Variants in ESRP1 observed in about 807,000 individuals in gnomAD.
ESRP1 encodes RNA-binding motif protein 35A.
A neutral mutation model predicts 81.7 loss-of-function variants in ESRP1; 33 were observed. The observed-to-expected ratio is 0.40, with a 90% CI of 0.31 to 0.54. The LOEUF (loss-of-function observed/expected upper bound fraction) is 0.54. Ranked by LOEUF, ESRP1 falls within the 20% of genes least tolerant of loss-of-function variation. The pLI, the probability that ESRP1 is intolerant of heterozygous loss-of-function variation, is 0.41. For synonymous variants in ESRP1, 320 were observed against 303.3 expected (o/e 1.06, Z -0.57); for missense variants, 672 against 833.1 (o/e 0.81, Z 2.38).
At chr8:94,700,797 T>C (rs926814952) in intron 15 of ESRP1, among the ~76,000 whole-genome samples, 1 of 151,646 alleles carries the variant, frequency 6.6e-6, no homozygotes, top group Non-Finnish European at 1.5e-5. Context: ...GGTGTGGTGG[T>C]GGGCGCCTGT....
At chr8:94,697,472 C>A (rs1374200645) in intron 15 of ESRP1, among the ~76,000 whole-genome samples, 1 of 152,214 alleles carries the variant, frequency 6.6e-6, no homozygotes, top group Non-Finnish European at 1.5e-5. Context: ...TAAATGGAAT[C>A]ATACATGTGA....
chr8:94,682,268 T>TG (rs1427473524), intron 13 of ESRP1, among the ~76,000 whole-genome samples: 1 of 152,186 alleles, frequency 6.6e-6, no homozygotes, highest in Non-Finnish European at 1.5e-5. Flanking sequence ...GTTGCATAGG[T>TG]GGGAGACATG....
intron 1 of ESRP1, 190 bp from the exon 2 acceptor site, chr8:94,641,766 C>G: frequency 1.1e-6 from 1 of 898,006 alleles, no homozygotes; most frequent in Non-Finnish European, 1.5e-6. Flanking sequence ...CAGGGCTTTT[C>G]CGACCTATCG....
intron 4 of ESRP1, among the ~76,000 whole-genome samples, chr8:94,647,948 G>T (rs1042594199): frequency 2.6e-5 from 4 of 152,112 alleles, no homozygotes; most frequent in Non-Finnish European, 5.9e-5. Context: ...GCTGACACCA[G>T]CCTGGGCATT....
chr8:94,695,921 C>T (rs537855259), intron 14 of ESRP1, among the ~76,000 whole-genome samples: 6 of 152,090 alleles, frequency 3.9e-5, no homozygotes, highest in Admixed American at 2.0e-4. Flanking sequence ...AAAGTAGCCA[C>T]GCATGGTGGT....
intron 4 of ESRP1, among the ~76,000 whole-genome samples, chr8:94,661,081 C>A (rs1423057775): frequency 6.6e-6 from 1 of 152,130 alleles, no homozygotes; most frequent in African/African-American, 2.4e-5. Flanking sequence ...CTACCTCTCG[C>A]CCAGGCTGGA....
chr8:94,657,137 G>A (rs1401645189), intron 4 of ESRP1, among the ~76,000 whole-genome samples: 1 of 152,200 alleles, frequency 6.6e-6, no homozygotes, highest in Non-Finnish European at 1.5e-5. Flanking sequence ...GTTGCAGCCT[G>A]AAATGATGAG....
In ESRP1 at chr8:94,668,193, C is replaced by T; in HGVS notation, c.1176C>T (p.Asp392=). The change falls in exon 10 of 16, where the codon GAC becomes GAT. Residue 392 remains aspartate (D), a synonymous_variant. Coordinates refer to ENST00000433389, the MANE Select transcript of ESRP1 (RefSeq NM_017697.4). ...AGAATGCGTTGAGGAAGCATAAAGACTTGTTGGGTAAAAGATACATTGAAC... is the reference window on the plus strand; with the variant it reads ...AGAATGCGTTGAGGAAGCATAAAGATTTGTTGGGTAAAAGATACATTGAAC... ...YAQNALRKHK[D]LLGKRYIELF... 3 of 1,613,466 alleles carry T rather than the reference C, an allele frequency of 1.9e-6. No homozygotes were observed. Among genetic ancestry groups the T allele is most frequent in the Non-Finnish European group, 2.5e-6 (3 of 1,179,594 alleles).
At chr8:94,701,650 G>T (rs1319286015) in intron 15 of ESRP1, among the ~76,000 whole-genome samples, 2 of 146,320 alleles carry the variant, frequency 1.4e-5, no homozygotes, top group Non-Finnish European at 1.5e-5. Context: ...TCACTATGTT[G>T]CCCCAGTCTG....
At chr8:94,667,000 C>G (rs1271845557) in intron 9 of ESRP1, among the ~76,000 whole-genome samples, 1 of 151,742 alleles carries the variant, frequency 6.6e-6, no homozygotes, top group African/African-American at 2.4e-5. Context: ...GTCAAGAGTT[C>G]GAGGCCAGCC....
At chr8:94,656,509 C>T (rs1270030537) in intron 4 of ESRP1, among the ~76,000 whole-genome samples, 2 of 152,374 alleles carry the variant, frequency 1.3e-5, no homozygotes, top group South Asian at 2.1e-4. Context: ...GCGTGAGCCA[C>T]CACGCCCGGC....
At chr8:94,651,318 G>A (rs940700906) in intron 4 of ESRP1, among the ~76,000 whole-genome samples, 19 of 143,978 alleles carry the variant, frequency 1.3e-4, no homozygotes, top group African/African-American at 4.7e-4. Flanking sequence ...ATGCTATCGT[G>A]GCTCACTGTG....
At chr8:94,655,065 T>TTTTTTGTG (rs545869490) in intron 4 of ESRP1, among the ~76,000 whole-genome samples, 4 of 147,528 alleles carry the variant, frequency 2.7e-5, no homozygotes, top group Non-Finnish European at 3.0e-5. Context: ...TTTGGGTTTT[T>TTTTTTGTG]TGTGTGTGTG....
chr8:94,641,597 A>G, intron 1 of ESRP1, 147 bp downstream of exon 1: 2 of 1,167,296 alleles, frequency 1.7e-6, no homozygotes, highest in African/African-American at 1.5e-5. Flanking sequence ...GGGAAGCTAG[A>G]GTAAAACCAA....
chr8:94,641,423 G>C lies in ESRP1; in HGVS notation c.105G>C (p.Trp35Cys). 1.2e-6 allele frequency: 2 copies of C among 1,613,918 alleles called. No individual in the cohort carries two copies. The highest frequency in any genetic ancestry group is 1.7e-6 in the Non-Finnish European group (2 of 1,179,872). The change falls in exon 1 of 16, where the codon TGG becomes TGC. Residue 35 changes from tryptophan (W) to cysteine (C), a missense_variant. By Grantham distance (215) the Trp-to-Cys change is radical (BLOSUM62 -2). Coordinates refer to ENST00000433389, the MANE Select transcript of ESRP1 (RefSeq NM_017697.4). The stretch of plus-strand genomic sequence containing the variant: ...AGAAGGAGTTGATCCTGCTGTTCTG[G>C]AAAGTCGTGGATCTGGCCAACAAGA... ...SDEKELILLF[W>C]KVVDLANKKV...
Position 94,696,920 on chromosome 8 carries a change from T to C in ESRP1, c.2040T>C (p.Cys680=). 3 of 1,587,270 alleles carry C rather than the reference T, an allele frequency of 1.9e-6. No homozygotes were observed. The highest frequency in any genetic ancestry group is 2.6e-6 in the Non-Finnish European group (3 of 1,165,666). ...QARTLPKEWV[C]I ...GGACTCTACCCAAAGAATGGGTTTG[T>C]ATTTAAGGGCCCCAGCAGTTAGAAC... Residue 680 remains cysteine (C), a synonymous_variant, in exon 15 of 16, where the codon TGT becomes TGC. Transcript: ENST00000433389.
intron 15 of ESRP1, among the ~76,000 whole-genome samples, chr8:94,703,730 C>T (rs1216743216): frequency 2.0e-5 from 3 of 152,184 alleles, no homozygotes; most frequent in African/African-American, 7.2e-5. Context: ...CCCCTAGCAA[C>T]ACTTGGCCTT....
chr8:94,670,734 A>G (rs1339310295), intron 10 of ESRP1, among the ~76,000 whole-genome samples: 5 of 152,062 alleles, frequency 3.3e-5, no homozygotes, highest in Admixed American at 2.0e-4. Flanking sequence ...CTAACCTATC[A>G]TCATCCATTT....
chr8:94,641,298 T>G lies in ESRP1; in HGVS notation c.-21T>G. ...CCTTACCGCCTCCCGACCCCCCCTC[T>G]CCCCCTCCCCACCTATCGTCATGAC... On this transcript the variant is annotated 5_prime_UTR_variant, in exon 1 of 16. Coordinates refer to ENST00000433389, the MANE Select transcript of ESRP1 (RefSeq NM_017697.4). 1.0e-5 allele frequency: 12 copies of G among 1,184,856 alleles called. No homozygotes were observed. The highest frequency in any genetic ancestry group is 1.5e-5 in the African/African-American group (1 of 65,266). The allele number at this position is 1,184,856 out of a possible 1,614,324, so 73.4% of individuals were successfully genotyped here.
Sources: gnomAD v4.1 joint callset for allele counts (sites outside exome capture counted in the v4.1 genomes callset) on GRCh38, gnomAD v4.1.1 for gene constraint, MANE v1.5 for transcripts, NCBI Gene and HGNC (gene_info 2026-07-23, HGNC 2026-07-21) for gene names.